CFAP69: variants seen among roughly 807,000 people sequenced by gnomAD.
CFAP69 encodes cilia and flagella associated protein 69.
Under a neutral mutation model 123.0 loss-of-function variants are expected in CFAP69, and 92 were observed. The ratio of observed to expected loss-of-function variants is 0.75; its 90% CI spans 0.63 to 0.89. The LOEUF is 0.89. Ranked by LOEUF, CFAP69 falls within the 40% of genes least tolerant of loss-of-function variation. CFAP69 has a pLI of 0.00. For synonymous variants in CFAP69, 380 were observed against 364.3 expected, an observed-to-expected ratio of 1.04 and a Z score of -0.49; for missense variants, 1,067 against 1,096.9, an observed-to-expected ratio of 0.97 and a Z score of 0.39.
chr7:90,316,722 C>T, the CFAP69 span: 1 of 152,158 alleles, frequency 6.6e-6, no homozygotes. Context: ...TGTTTTAAAA[C>T]CAGATTGCCC....
intron 13 of CFAP69, among the ~76,000 whole-genome samples, chr7:90,284,377 A>G (rs529991816): frequency 6.6e-6 from 1 of 152,272 alleles, no homozygotes; most frequent in African/African-American, 2.4e-5. Flanking sequence ...GAAACCACCA[A>G]TAAAGAACTT....
intron 9 of CFAP69, among the ~76,000 whole-genome samples, chr7:90,275,268 T>G (rs910895707): frequency 2.6e-5 from 4 of 152,230 alleles, no homozygotes; most frequent in African/African-American, 7.2e-5. Context: ...GAATTTTTAA[T>G]AACTACATAT....
Position 90,300,040 on chromosome 7 carries a change from T to C in CFAP69, c.2031T>C (p.Asp677=). 1.3e-6 allele frequency: 2 copies of C among 1,592,250 alleles called. No homozygotes were observed. The highest frequency in any genetic ancestry group is 1.7e-6 in the Non-Finnish European group (2 of 1,169,958). The change falls in exon 17 of 23, where the codon GAT becomes GAC. Residue 677 remains aspartate (D), a synonymous_variant. Coordinates refer to ENST00000389297, the MANE Select transcript of CFAP69 (RefSeq NM_001039706.3). Reference sequence around the variant, plus strand: ...AAAAAGAACTAGGAGTAAAACGTGATAAAAATGGGAAGATCATTGGTGAGT... The same window carrying C: ...AAAAAGAACTAGGAGTAAAACGTGACAAAAATGGGAAGATCATTGGTGAGT... ...KEEKELGVKR[D]KNGKIIDTKK...
At position 90,261,935 on chromosome 7, in the gene CFAP69, A is replaced by G. The variant is rs1798388401; in HGVS notation, c.247-12A>G. On this transcript the variant is annotated splice_polypyrimidine_tract_variant and intron_variant, in intron 3 of 22. Transcript: ENST00000389297. ...TAATCTGAATTTTATTTCTTAACTAAAAATATTAAAGCCATTAAGGGATTT... is the reference window on the plus strand; with the variant it reads ...TAATCTGAATTTTATTTCTTAACTAGAAATATTAAAGCCATTAAGGGATTT... 1 of 1,361,872 alleles carries G rather than the reference A, an allele frequency of 7.3e-7. No homozygotes were observed. The highest frequency in any genetic ancestry group is 2.3e-5 in the Admixed American group (1 of 43,972). The allele number at this position is 1,361,872 out of a possible 1,614,324, so 84.4% of individuals were successfully genotyped here. A position where few individuals can be genotyped will look rare whatever the true frequency, so the allele number is the denominator to read the frequency against.
chr7:90,286,484 T>A, intron 14 of CFAP69, 85 bp downstream of exon 14: 1 of 1,365,828 alleles, frequency 7.3e-7, no homozygotes, highest in Non-Finnish European at 1.0e-6. Flanking sequence ...TAATTGTATT[T>A]AATTTTGTGA....
chr7:90,285,109 A>G (rs888088872), intron 13 of CFAP69, among the ~76,000 whole-genome samples: 2 of 152,178 alleles, frequency 1.3e-5, no homozygotes, highest in Non-Finnish European at 2.9e-5. Flanking sequence ...GAAGAATGCT[A>G]TGATCTAGAA....
chr7:90,284,023 C>G (rs1789884688), intron 13 of CFAP69, among the ~76,000 whole-genome samples: 1 of 152,120 alleles, frequency 6.6e-6, no homozygotes, highest in Non-Finnish European at 1.5e-5. Context: ...TTCCTGTGCA[C>G]ATTCTGTTGC....
At chr7:90,271,105 A>T (rs1799886585) in intron 6 of CFAP69, among the ~76,000 whole-genome samples, 1 of 152,164 alleles carries the variant, frequency 6.6e-6, no homozygotes, top group Admixed American at 6.5e-5. Flanking sequence ...ATATCTACTG[A>T]CAAGAAATAT....
chr7:90,249,075 G>T, intron 1 of CFAP69, among the ~76,000 whole-genome samples: 1 of 152,214 alleles, frequency 6.6e-6, no homozygotes, highest in East Asian at 1.9e-4. Context: ...GGGTTATATG[G>T]TTTGGCTTTG....
chr7:90,309,391 T>A, intron 22 of CFAP69, 24 bp downstream of exon 22: 1 of 1,297,026 alleles, frequency 7.7e-7, no homozygotes, highest in Non-Finnish European at 1.1e-6. Flanking sequence ...TCCATAACAT[T>A]TTCTTAATAG....
intron 19 of CFAP69, 55 bp downstream of exon 19, chr7:90,304,875 T>G (rs1262959903): frequency 1.8e-6 from 2 of 1,138,474 alleles, no homozygotes; most frequent in Non-Finnish European, 2.6e-6. Flanking sequence ...AAAAATTAAC[T>G]GGAAAATAAA....
chr7:90,315,292 G>A (rs867642941), downstream of CFAP69, among the ~76,000 whole-genome samples: 12 of 152,070 alleles, frequency 7.9e-5, no homozygotes, highest in South Asian at 6.2e-4. Flanking sequence ...CTACCGTAAA[G>A]ACACACGCAC....
chr7:90,312,990 G>T (rs1365020754), downstream of CFAP69, among the ~76,000 whole-genome samples: 1 of 152,192 alleles, frequency 6.6e-6, no homozygotes, highest in Non-Finnish European at 1.5e-5. Context: ...AGACAGTGCT[G>T]ACTTACATTG....
chr7:90,274,627 G>A (rs1342803080), intron 9 of CFAP69, among the ~76,000 whole-genome samples: 2 of 152,094 alleles, frequency 1.3e-5, no homozygotes, highest in Non-Finnish European at 2.9e-5. Flanking sequence ...AATATTCATT[G>A]TGAGGTTCCA....
chr7:90,280,037 A>T, intron 12 of CFAP69, 144 bp downstream of exon 12: 1 of 577,104 alleles, frequency 1.7e-6, no homozygotes, highest in Non-Finnish European at 2.7e-6. Context: ...ATGTATTTAT[A>T]TGTTGTTTTA....
At chr7:90,303,601 A>C in intron 17 of CFAP69, 3 of 947,818 alleles carry the variant, frequency 3.2e-6, no homozygotes, top group Non-Finnish European at 3.8e-6. Context: ...TTTTATATTT[A>C]TAGCATAATA....
chr7:90,279,962 C>T (rs191630920), intron 12 of CFAP69, 69 bp downstream of exon 12: 39 of 1,151,990 alleles, frequency 3.4e-5, no homozygotes, highest in Admixed American at 2.2e-4. Flanking sequence ...TCAGTATATG[C>T]ATAGAAATAA....
chr7:90,258,336 C>T lies in CFAP69; in HGVS notation c.246+173C>T, dbSNP rs1797897480. Among the ~76,000 whole-genome samples, 7 of 152,258 alleles carry T rather than the reference C, an allele frequency of 4.6e-5. No homozygotes were observed. In the South Asian group the frequency reaches 1.5e-3, roughly 32 times the overall value. Reference sequence around the variant, plus strand: ...TTGGAGGTTAGAAGTCCAAAATCAGCCTCAGTGGACTAAAGTCAAGATGTT... The same window carrying T: ...TTGGAGGTTAGAAGTCCAAAATCAGTCTCAGTGGACTAAAGTCAAGATGTT... On this transcript the variant is annotated intron_variant, in intron 3 of 22. Transcript: ENST00000389297.
intron 15 of CFAP69, among the ~76,000 whole-genome samples, chr7:90,289,021 T>G (rs900341971): frequency 1.3e-5 from 2 of 152,040 alleles, no homozygotes; most frequent in African/African-American, 4.8e-5. Flanking sequence ...TCTATAAGTT[T>G]CTTCTGTTTT....
Sources: gnomAD v4.1 joint callset for allele counts (sites outside exome capture counted in the v4.1 genomes callset) on GRCh38, gnomAD v4.1.1 for gene constraint, MANE v1.5 for transcripts, NCBI Gene and HGNC (gene_info 2026-07-23, HGNC 2026-07-21) for gene names.